RYR2: variants seen among roughly 807,000 people sequenced by gnomAD.
RYR2 encodes cardiac muscle ryanodine receptor-calcium release channel.
RYR2 carries 227 observed loss-of-function variants against 601.1 expected under a neutral mutation model. The ratio of observed to expected loss-of-function variants is 0.38; its 90% CI spans 0.34 to 0.42. The LOEUF (loss-of-function observed/expected upper bound fraction) is 0.42, where lower values mean the gene tolerates loss of function less well. Ranked by LOEUF, RYR2 falls within the 10% of genes least tolerant of loss-of-function variation. The pLI is 1.00. For synonymous variants in RYR2, 2,223 were observed against 2,175.1 expected (o/e 1.02, Z -0.61); for missense variants, 4,646 against 6,156.5 (o/e 0.75, Z 8.21).
chr1:237,499,562 A>G (rs1188668911), intron 20 of RYR2, among the ~76,000 whole-genome samples: 1 of 152,182 alleles, frequency 6.6e-6, no homozygotes, highest in Admixed American at 6.5e-5. Flanking sequence ...TTGCTTTTAT[A>G]TGACTTTTTT....
intron 1 of RYR2, among the ~76,000 whole-genome samples, chr1:237,109,859 T>C (rs1376836476): frequency 6.6e-6 from 1 of 152,128 alleles, no homozygotes; most frequent in Admixed American, 6.5e-5. Context: ...GTCACCTTCA[T>C]GGTGTTCAGC....
At chr1:237,777,144 G>C (rs1399826843) in intron 87 of RYR2, among the ~76,000 whole-genome samples, 34 of 152,204 alleles carry the variant, frequency 2.2e-4, no homozygotes, top group Admixed American at 2.2e-3. Context: ...GGATGCAGAA[G>C]TAACGAAATG....
At position 237,633,469 on chromosome 1, in the gene RYR2, A is replaced by G. The variant is rs141027436; in HGVS notation, c.6556-109A>G. ...AGATCTTTGGTATCTGAAGTTTGGCACACACATGGACACACGGGGATTGAC... is the reference window on the plus strand; with the variant it reads ...AGATCTTTGGTATCTGAAGTTTGGCGCACACATGGACACACGGGGATTGAC... On this transcript the variant is annotated intron_variant, in intron 42 of 104. Transcript: ENST00000366574. The G allele has an allele frequency of 4.1e-4, 531 of 1,282,948 alleles. 2 individuals carry two copies. In the African/African-American group the frequency reaches 5.5e-3, roughly 13 times the overall value. The allele number at this position is 1,282,948 out of a possible 1,614,324, so 79.5% of individuals were successfully genotyped here.
At chr1:237,577,655 C>G (rs1196955693) in intron 29 of RYR2, among the ~76,000 whole-genome samples, 7 of 151,618 alleles carry the variant, frequency 4.6e-5, no homozygotes, top group Middle Eastern at 3.2e-3. Context: ...TGCAGGGCCT[C>G]CAGAAGGAAC....
At chr1:237,712,598 T>C (rs1397438121) in intron 71 of RYR2, among the ~76,000 whole-genome samples, 3 of 152,128 alleles carry the variant, frequency 2.0e-5, no homozygotes, top group Admixed American at 2.0e-4. Context: ...TAATGTATGT[T>C]TAACATGTCA....
chr1:237,131,832 C>T (rs1034018134), intron 1 of RYR2, among the ~76,000 whole-genome samples: 6 of 151,938 alleles, frequency 3.9e-5, no homozygotes, highest in Non-Finnish European at 8.8e-5. Flanking sequence ...GTGATCCTCC[C>T]ACCTCAGCCT....
At chr1:237,754,772 AG>A (rs2149257429) in intron 80 of RYR2, among the ~76,000 whole-genome samples, 1 of 152,352 alleles carries the variant, frequency 6.6e-6, no homozygotes, top group Non-Finnish European at 1.5e-5. Flanking sequence ...AGCAGACGAA[AG>A]GGTCCTCTTT....
intron 83 of RYR2, 66 bp downstream of exon 83, chr1:237,759,918 T>C: frequency 1.0e-6 from 1 of 980,466 alleles, no homozygotes. Flanking sequence ...CATTTGTTTC[T>C]TACTCTGACG....
At chr1:237,816,232 C>T (rs1339862505) in intron 100 of RYR2, among the ~76,000 whole-genome samples, 2 of 152,150 alleles carry the variant, frequency 1.3e-5, no homozygotes, top group African/African-American at 4.8e-5. Flanking sequence ...CCAGAGAAAT[C>T]CCCGGAGGAG....
intron 1 of RYR2, among the ~76,000 whole-genome samples, chr1:237,241,208 G>T (rs1376325933): frequency 6.6e-6 from 1 of 152,184 alleles, no homozygotes; most frequent in East Asian, 1.9e-4. Context: ...AGGCTACGGG[G>T]TTATACTGAT....
intron 62 of RYR2, among the ~76,000 whole-genome samples, chr1:237,684,828 G>T (rs1408938024): frequency 6.6e-5 from 10 of 151,780 alleles, no homozygotes; most frequent in East Asian, 5.8e-4. Context: ...AACTGAAGGA[G>T]AGTAGAGAAA....
At chr1:237,419,715 G>A (rs1418957924) in intron 11 of RYR2, among the ~76,000 whole-genome samples, 1 of 152,156 alleles carries the variant, frequency 6.6e-6, no homozygotes, top group Admixed American at 6.5e-5. Flanking sequence ...CAGTAGGAAA[G>A]TAGGAGATTC....
At chr1:237,803,149 A>T (rs553397601) in intron 98 of RYR2, among the ~76,000 whole-genome samples, 1 of 152,266 alleles carries the variant, frequency 6.6e-6, no homozygotes, top group South Asian at 2.1e-4. Context: ...TTCATGGGAT[A>T]TACCTAAACT....
At chr1:237,435,909 T>C (rs372925973) in intron 12 of RYR2, among the ~76,000 whole-genome samples, 2 of 152,176 alleles carry the variant, frequency 1.3e-5, no homozygotes, top group African/African-American at 4.8e-5. Flanking sequence ...GCTGGGTAAG[T>C]AAGCCTGACA....
intron 29 of RYR2, among the ~76,000 whole-genome samples, chr1:237,586,022 T>G (rs1196456037): frequency 6.6e-6 from 1 of 152,218 alleles, no homozygotes; most frequent in Non-Finnish European, 1.5e-5. Flanking sequence ...GAGATGATAG[T>G]GTAAAAATAA....
chr1:237,411,398 T>C (rs544904366), intron 10 of RYR2, among the ~76,000 whole-genome samples: 37 of 152,330 alleles, frequency 2.4e-4, no homozygotes, highest in African/African-American at 8.7e-4. Context: ...CCTAGTTACG[T>C]TGTCCCGAGC....
intron 92 of RYR2, among the ~76,000 whole-genome samples, chr1:237,790,473 A>T (rs1658239780): frequency 6.6e-6 from 1 of 152,122 alleles, no homozygotes; most frequent in African/African-American, 2.4e-5. Flanking sequence ...GTTTTCACAT[A>T]GTAGCTGGAG....
At chr1:237,331,763 C>G (rs186619566) in intron 3 of RYR2, among the ~76,000 whole-genome samples, 2 of 151,930 alleles carry the variant, frequency 1.3e-5, no homozygotes, top group Non-Finnish European at 1.5e-5. Context: ...ATCTGCCCAC[C>G]TTGGCCTCCC....
At chr1:237,444,783 C>T (rs1708189387) in intron 13 of RYR2, among the ~76,000 whole-genome samples, 1 of 152,072 alleles carries the variant, frequency 6.6e-6, no homozygotes, top group Non-Finnish European at 1.5e-5. Context: ...ATTATAGTTT[C>T]ATAGAAAGTT....
Sources: gnomAD v4.1 joint callset for allele counts (sites outside exome capture counted in the v4.1 genomes callset) on GRCh38, gnomAD v4.1.1 for gene constraint, MANE v1.5 for transcripts, NCBI Gene and HGNC (gene_info 2026-07-23, HGNC 2026-07-21) for gene names.